The following PLCB1 variants were observed in gnomAD, a reference collection of about 807,000 sequenced individuals.
PLCB1 encodes the protein phospholipase C beta 1, also known as 1-phosphatidylinositol 4,5-bisphosphate phosphodiesterase beta-1.
Under a neutral mutation model 161.8 loss-of-function variants are expected in PLCB1, and 46 were observed. That is an observed-to-expected ratio of 0.28 (90% CI 0.22 to 0.36). PLCB1 has a LOEUF of 0.36. PLCB1 is among the 10% of genes least tolerant of loss of function. The pLI is 1.00. For missense variants in PLCB1, 1,016 were observed against 1,472.5 expected (o/e 0.69, Z 5.07); for synonymous variants, 517 against 503.7 (o/e 1.03, Z -0.35).
intron 3 of PLCB1, among the ~76,000 whole-genome samples, chr20:8,499,246 A>C (rs1983304060): frequency 2.0e-5 from 3 of 152,248 alleles, no homozygotes. Context: ...GGTGAAAATA[A>C]TAATTCTGAG....
intron 27 of PLCB1, among the ~76,000 whole-genome samples, chr20:8,781,415 C>A (rs1220321746): frequency 6.2e-4 from 13 of 21,134 alleles, no homozygotes; most frequent in African/African-American, 1.3e-3. Flanking sequence ...CACACACACA[C>A]AAACACACAC....
intron 3 of PLCB1, among the ~76,000 whole-genome samples, chr20:8,376,118 T>C (rs556467338): frequency 2.9e-4 from 44 of 152,236 alleles, no homozygotes; most frequent in Middle Eastern, 6.8e-3. Flanking sequence ...CTCCCAACTT[T>C]AGTACATGAA....
chr20:8,389,547 C>G (rs532210270), intron 3 of PLCB1, among the ~76,000 whole-genome samples: 2 of 152,160 alleles, frequency 1.3e-5, no homozygotes, highest in African/African-American at 2.4e-5. Flanking sequence ...GATTGTGACT[C>G]ATTTTTATCA....
chr20:8,304,087 A>G (rs1035461440), intron 2 of PLCB1, among the ~76,000 whole-genome samples: 1 of 152,224 alleles, frequency 6.6e-6, no homozygotes, highest in Non-Finnish European at 1.5e-5. Flanking sequence ...GTTGGTATGG[A>G]CAAACACCAA....
At chr20:8,749,000 A>T (rs576135697) in intron 23 of PLCB1, among the ~76,000 whole-genome samples, 1 of 152,306 alleles carries the variant, frequency 6.6e-6, no homozygotes, top group African/African-American at 2.4e-5. Flanking sequence ...TCTTGTTACA[A>T]TGCAGATTCA....
At chr20:8,837,296 C>G (rs2146285817) in intron 31 of PLCB1, among the ~76,000 whole-genome samples, 1 of 152,180 alleles carries the variant, frequency 6.6e-6, no homozygotes, top group South Asian at 2.1e-4. Context: ...CAAAGTGCAA[C>G]TCATGAGGAT....
chr20:8,337,383 G>A (rs1248296772), intron 2 of PLCB1, among the ~76,000 whole-genome samples: 2 of 152,156 alleles, frequency 1.3e-5, no homozygotes, highest in Non-Finnish European at 2.9e-5. Context: ...AATTCATTAG[G>A]ATGATGCAAA....
rs185852119 is a variant in PLCB1, at chr20:8,229,628, C to T, written c.177+79257C>T. The stretch of plus-strand genomic sequence containing the variant: ...CACAGATATGGAACATTTCCATCAT[C>T]GCAGAAAGTTTTATTGAACAGTACT... On this transcript the variant is annotated intron_variant, in intron 2 of 31. Coordinates refer to ENST00000338037, the MANE Select transcript of PLCB1 (RefSeq NM_015192.4). Among the ~76,000 whole-genome samples, 604 of 152,204 alleles carry T rather than the reference C, an allele frequency of 4.0e-3. 8 individuals carry two copies. The highest frequency in any genetic ancestry group is 0.013 in the African/African-American group (556 of 41,520).
intron 3 of PLCB1, among the ~76,000 whole-genome samples, chr20:8,452,957 G>C (rs1310590309): frequency 6.6e-6 from 1 of 152,134 alleles, no homozygotes; most frequent in South Asian, 2.1e-4. Flanking sequence ...CAGCTGACAT[G>C]GATGCCAGAA....
intron 19 of PLCB1, among the ~76,000 whole-genome samples, chr20:8,734,868 A>C (rs1008791269): frequency 6.6e-6 from 1 of 152,208 alleles, no homozygotes; most frequent in African/African-American, 2.4e-5. Context: ...ACTATGTAAA[A>C]AGCTTTCTAT....
chr20:8,261,934 C>T (rs1240699155), intron 2 of PLCB1, among the ~76,000 whole-genome samples: 1 of 152,174 alleles, frequency 6.6e-6, no homozygotes. Context: ...TCACAAAAGT[C>T]TCTATGAGTT....
chr20:8,642,202 C>A (rs1044771339), intron 4 of PLCB1, among the ~76,000 whole-genome samples: 1 of 151,946 alleles, frequency 6.6e-6, no homozygotes, highest in African/African-American at 2.4e-5. Flanking sequence ...AAGATAAAAA[C>A]GAGAGCACTT....
At chr20:8,632,712 G>A (rs990687577) in intron 4 of PLCB1, among the ~76,000 whole-genome samples, 24 of 152,142 alleles carry the variant, frequency 1.6e-4, no homozygotes, top group Non-Finnish European at 1.9e-4. Flanking sequence ...TACAGCAGGT[G>A]CAAAAGCCCT....
intron 1 of PLCB1, among the ~76,000 whole-genome samples, chr20:8,136,539 T>G (rs1430295612): frequency 6.6e-6 from 1 of 150,602 alleles, no homozygotes; most frequent in Non-Finnish European, 1.5e-5. Context: ...GGCAGGAGAA[T>G]GGCGTGAACC....
At chr20:8,870,444 G>A (rs550851103) in intron 31 of PLCB1, among the ~76,000 whole-genome samples, 2 of 152,284 alleles carry the variant, frequency 1.3e-5, no homozygotes, top group South Asian at 2.1e-4. Context: ...GGACTCAGAG[G>A]AGGTATAAAA....
At chr20:8,782,879 A>G (rs978586509) in intron 27 of PLCB1, among the ~76,000 whole-genome samples, 2 of 152,206 alleles carry the variant, frequency 1.3e-5, no homozygotes, top group African/African-American at 4.8e-5. Context: ...CCTATGTTCC[A>G]AGATTATCCT....
At chr20:8,482,136 G>A (rs934925274) in intron 3 of PLCB1, among the ~76,000 whole-genome samples, 6 of 126,422 alleles carry the variant, frequency 4.7e-5, no homozygotes, top group South Asian at 2.7e-4. Flanking sequence ...AGGGAGTCTC[G>A]CTCTGTCGCC....
At chr20:8,737,483 C>T (rs1000469927) in intron 20 of PLCB1, among the ~76,000 whole-genome samples, 8 of 152,060 alleles carry the variant, frequency 5.3e-5, no homozygotes, top group Admixed American at 1.3e-4. Context: ...ATAAATGATA[C>T]ATTTTAATTA....
intron 3 of PLCB1, among the ~76,000 whole-genome samples, chr20:8,504,422 T>C (rs1175398212): frequency 6.6e-6 from 1 of 152,156 alleles, no homozygotes; most frequent in East Asian, 1.9e-4. Flanking sequence ...AAAATAATGG[T>C]AAATAGCACT....
Sources: allele counts gnomAD v4.1 joint callset (sites outside exome capture counted in the v4.1 genomes callset), GRCh38; gene constraint gnomAD v4.1.1; transcripts MANE v1.5; gene names NCBI Gene and HGNC (gene_info 2026-07-23, HGNC 2026-07-21).